The following STIM1 variants were observed in gnomAD, a reference collection of about 807,000 sequenced individuals.
The protein encoded by STIM1 is stromal interaction molecule 1.
A neutral mutation model predicts 74.7 loss-of-function variants in STIM1; 25 were observed. That is an observed-to-expected ratio of 0.33 (90% CI 0.24 to 0.47). The LOEUF is 0.47. Ranked by LOEUF, STIM1 falls within the 20% of genes least tolerant of loss-of-function variation. The probability of loss-of-function intolerance (pLI) is 1.00; values close to 1 mark genes in which losing one functional copy is unlikely to be tolerated. For synonymous variants in STIM1, 328 were observed against 348.8 expected (o/e 0.94, Z 0.66); for missense variants, 728 against 920.8 (o/e 0.79, Z 2.71).
At chr11:3,904,938 G>C (rs1338251124) in intron 1 of STIM1, among the ~76,000 whole-genome samples, 1 of 152,046 alleles carries the variant, frequency 6.6e-6, no homozygotes, top group African/African-American at 2.4e-5. Flanking sequence ...GACTGTAGAA[G>C]TAGATGAGAT....
intron 2 of STIM1, among the ~76,000 whole-genome samples, chr11:3,978,169 A>G (rs61897203): frequency 0.056 from 7,996 of 143,532 alleles, 362 homozygotes; most frequent in East Asian, 0.18. Flanking sequence ...TTTTTTTGAG[A>G]CGGAGTTTCG....
chr11:3,973,019 C>T, intron 2 of STIM1: 1 of 488,074 alleles, frequency 2.0e-6, no homozygotes, highest in South Asian at 1.5e-5. Flanking sequence ...CTTCTGCCTC[C>T]ATCGTTGTTA....
In STIM1 at chr11:3,943,270, C is replaced by T. The variant is rs114412152; in HGVS notation, c.140-24282C>T. The stretch of plus-strand genomic sequence containing the variant: ...GTATATCCTGTGATTGTAGATATTT[C>T]CTAGTAGAAAATGGGGACTACTCAC... On this transcript the variant is annotated intron_variant, in intron 1 of 12. Transcript: ENST00000526596. 2.9e-3 allele frequency among the ~76,000 whole-genome samples: 447 copies of T among 152,270 alleles called. 3 individuals carry two copies. The highest frequency in any genetic ancestry group is 0.01 in the African/African-American group (418 of 41,552).
chr11:4,024,079 A>G, intron 3 of STIM1, 92 bp downstream of exon 3: 4 of 1,035,980 alleles, frequency 3.9e-6, no homozygotes, highest in Non-Finnish European at 5.9e-6. Context: ...TGTATATAAA[A>G]TGCTTAGTAA....
rs367892207 is a variant in STIM1, at chr11:3,932,276, A to G, written c.140-35276A>G. On this transcript the variant is annotated intron_variant, in intron 1 of 12. Coordinates refer to ENST00000526596, the MANE Select transcript of STIM1 (RefSeq NM_001382567.1). ...ACCTGCTGCCTTCCCTATGGAAGTTAACAGGGTTTGGTACAACAGACACAG... is the reference window on the plus strand; with the variant it reads ...ACCTGCTGCCTTCCCTATGGAAGTTGACAGGGTTTGGTACAACAGACACAG... 6.5e-4 allele frequency among the ~76,000 whole-genome samples: 99 copies of G among 152,282 alleles called. 1 individual carries two copies. In the South Asian group the frequency reaches 0.02, roughly 31 times the overall value.
At chr11:4,003,582 C>A (rs1390655477) in intron 2 of STIM1, among the ~76,000 whole-genome samples, 1 of 151,808 alleles carries the variant, frequency 6.6e-6, no homozygotes, top group African/African-American at 2.4e-5. Flanking sequence ...ATTGATGGGA[C>A]GTATCTCAAA....
chr11:4,044,589 C>T (rs1381476102), intron 3 of STIM1, among the ~76,000 whole-genome samples: 1 of 152,122 alleles, frequency 6.6e-6, no homozygotes, highest in African/African-American at 2.4e-5. Context: ...CAGGTGGACA[C>T]CATGCTGCCA....
At chr11:3,951,138 C>T (rs1046990579) in intron 1 of STIM1, among the ~76,000 whole-genome samples, 4 of 152,148 alleles carry the variant, frequency 2.6e-5, no homozygotes, top group Non-Finnish European at 1.5e-5. Flanking sequence ...GCCTGGGCTG[C>T]CAGGAGGCTC....
rs2093246724 is a variant in STIM1, at chr11:3,958,571, CTTTCTGT to C, written c.140-8980_140-8974del. 2.6e-5 allele frequency among the ~76,000 whole-genome samples: 4 copies of C among 152,318 alleles called. 1 individual carries two copies. The South Asian group carries it at 8.3e-4, about 32-fold the overall frequency. On this transcript the variant is annotated intron_variant, in intron 1 of 12. Coordinates refer to ENST00000526596, the MANE Select transcript of STIM1 (RefSeq NM_001382567.1). ...TGCCTAGCCTAGGGGTATGACTCCTCTTTCTGTGGCTAGGCCTGCTGTGTGCCTCAGC... is the reference window on the plus strand; with the variant it reads ...TGCCTAGCCTAGGGGTATGACTCCTCGGCTAGGCCTGCTGTGTGCCTCAGC...
intron 2 of STIM1, among the ~76,000 whole-genome samples, chr11:4,019,926 T>C (rs529032728): frequency 9.2e-5 from 14 of 152,292 alleles, no homozygotes; most frequent in African/African-American, 3.4e-4. Flanking sequence ...TTGTACCCAC[T>C]GACCAATCTC....
At chr11:4,087,722 C>T (rs1327603714) in intron 12 of STIM1, among the ~76,000 whole-genome samples, 2 of 150,354 alleles carry the variant, frequency 1.3e-5, no homozygotes, top group African/African-American at 4.9e-5. Context: ...TTCCAGTAGA[C>T]CACTAGGGGA....
intron 1 of STIM1, among the ~76,000 whole-genome samples, chr11:3,924,203 C>CTTTTT (rs1170851849): frequency 1.6e-5 from 2 of 127,568 alleles, no homozygotes; most frequent in Non-Finnish European, 3.4e-5. Context: ...TTTTTCTTTT[C>CTTTTT]TTTTTTTTTT....
chr11:4,027,642 A>G (rs1459263596), intron 3 of STIM1, among the ~76,000 whole-genome samples: 1 of 152,138 alleles, frequency 6.6e-6, no homozygotes, highest in African/African-American at 2.4e-5. Context: ...AGCTACTTTC[A>G]TATGACCCAG....
chr11:3,945,598 C>CA (rs1027736982), intron 1 of STIM1, among the ~76,000 whole-genome samples: 2 of 151,646 alleles, frequency 1.3e-5, no homozygotes, highest in African/African-American at 4.8e-5. Context: ...GACTCTGTCT[C>CA]AAAAAAAATA....
intron 1 of STIM1, among the ~76,000 whole-genome samples, chr11:3,887,694 C>A (rs1002658754): frequency 6.6e-6 from 1 of 151,994 alleles, no homozygotes; most frequent in African/African-American, 2.4e-5. Flanking sequence ...TGTGGCCAGG[C>A]GCAATGGCTC....
In STIM1 at chr11:4,055,634, C is replaced by T. The variant is rs1460256142; in HGVS notation, c.494C>T (p.Pro165Leu). 2 of 1,580,842 alleles carry T rather than the reference C, an allele frequency of 1.3e-6. No individual in the cohort carries two copies. The highest frequency in any genetic ancestry group is 1.7e-6 in the Non-Finnish European group (2 of 1,163,334). ...RKLQLSGHAM[P>L]RLAVTNTTMT... Reference sequence around the variant, plus strand: ...CTGCAGCTCAGTGGCCATGCCATGCCAAGGTCAGGAGGGGACTGGGTTTTT... The same window carrying T: ...CTGCAGCTCAGTGGCCATGCCATGCTAAGGTCAGGAGGGGACTGGGTTTTT... The change falls in exon 4 of 13, where the codon CCA becomes CTA. Residue 165 changes from proline (P) to leucine (L), a missense_variant. Pro to Leu is a moderately conservative substitution (Grantham distance 98). Around this residue, in one of 5 missense-constraint regions of STIM1, gnomAD observed 132 missense variants for 158.2 expected, o/e 0.83. Transcript: ENST00000526596.
chr11:4,072,984 T>C (rs1441493885), intron 6 of STIM1, among the ~76,000 whole-genome samples: 1 of 150,728 alleles, frequency 6.6e-6, no homozygotes, highest in Non-Finnish European at 1.5e-5. Flanking sequence ...TTCCTCTTCT[T>C]ACCTCCTTGC....
chr11:4,034,974 T>C (rs2094086583), intron 3 of STIM1, among the ~76,000 whole-genome samples: 1 of 152,146 alleles, frequency 6.6e-6, no homozygotes, highest in African/African-American at 2.4e-5. Context: ...ATAATTTGTG[T>C]CTTCTTTTCT....
chr11:4,033,304 T>G (rs986502900), intron 3 of STIM1, among the ~76,000 whole-genome samples: 1 of 152,204 alleles, frequency 6.6e-6, no homozygotes. Flanking sequence ...TGCCTCCGGC[T>G]TTGTTCTTTT....
Sources: allele counts gnomAD v4.1 joint callset (sites outside exome capture counted in the v4.1 genomes callset), GRCh38; gene constraint gnomAD v4.1.1; regional missense constraint gnomAD v4.1.1; transcripts MANE v1.5; gene names NCBI Gene and HGNC (gene_info 2026-07-23, HGNC 2026-07-21).